ACTR3C: variants seen among roughly 807,000 people sequenced by gnomAD.
The protein encoded by ACTR3C is actin related protein 3C.
Under a neutral mutation model 26.3 loss-of-function variants are expected in ACTR3C, and 18 were observed. The observed-to-expected ratio is 0.68, with a 90% CI of 0.47 to 1.01. ACTR3C has a LOEUF of 1.01. Among genes scored for constraint, ACTR3C ranks in the 50% least tolerant of loss-of-function variants. ACTR3C has a pLI of 0.00. For missense variants in ACTR3C, 184 were observed against 250.7 expected (o/e 0.73, Z 1.80); for synonymous variants, 55 against 94.5 (o/e 0.58, Z 2.42).
the ACTR3C span, among the ~76,000 whole-genome samples, chr7:149,958,917 T>C: frequency 6.6e-6 from 1 of 152,186 alleles, no homozygotes; most frequent in East Asian, 1.9e-4. Flanking sequence ...CCCCAGGAAT[T>C]GTGTCAGCTA....
chr7:149,923,768 C>T, the ACTR3C span, among the ~76,000 whole-genome samples: 4 of 151,754 alleles, frequency 2.6e-5, no homozygotes, highest in Non-Finnish European at 5.9e-5. Context: ...GAGGCAGGGG[C>T]GGGTGGATCA....
At chr7:149,926,579 T>C in the ACTR3C span, among the ~76,000 whole-genome samples, 2 of 152,172 alleles carry the variant, frequency 1.3e-5, no homozygotes, top group Non-Finnish European at 2.9e-5. Context: ...TGCACACATG[T>C]TGTCACAGCC....
chr7:150,006,339 G>A, the ACTR3C span, among the ~76,000 whole-genome samples: 1 of 151,396 alleles, frequency 6.6e-6, no homozygotes, highest in Non-Finnish European at 1.5e-5. Flanking sequence ...TGGGACTACA[G>A]GCACCCGCCA....
chr7:150,014,230 C>T, the ACTR3C span, among the ~76,000 whole-genome samples: 5,546 of 152,064 alleles, frequency 0.036, 273 homozygotes, highest in East Asian at 0.23. Flanking sequence ...TCGAGGTGGG[C>T]GGATCACGAG....
chr7:150,253,036 C>T (rs1341144154), intron 6 of ACTR3C, among the ~76,000 whole-genome samples: 2 of 151,918 alleles, frequency 1.3e-5, no homozygotes, highest in South Asian at 4.1e-4. Flanking sequence ...CATGGCTGGG[C>T]TGTTTTTACG....
the ACTR3C span, among the ~76,000 whole-genome samples, chr7:150,093,061 C>A: frequency 6.6e-6 from 1 of 151,384 alleles, no homozygotes; most frequent in African/African-American, 2.5e-5. Flanking sequence ...AATTATGTGA[C>A]CTCAAACAAA....
At chr7:150,158,792 ACACACACACACG>A in the ACTR3C span, among the ~76,000 whole-genome samples, 2 of 151,392 alleles carry the variant, frequency 1.3e-5, no homozygotes, top group Admixed American at 6.6e-5. Context: ...CATCACACAT[ACACACACACACG>A]CACACACACA....
At chr7:150,294,307 G>T (rs6968954) in intron 2 of ACTR3C, among the ~76,000 whole-genome samples, 18,116 of 152,174 alleles carry the variant, frequency 0.12, 1,591 homozygotes, top group African/African-American at 0.24. Flanking sequence ...TGCACACGGC[G>T]GCGCCCACAA....
the ACTR3C span, among the ~76,000 whole-genome samples, chr7:149,978,835 A>G: frequency 2.6e-5 from 4 of 152,012 alleles, no homozygotes; most frequent in African/African-American, 7.3e-5. Flanking sequence ...GGCAAGTTCA[A>G]TCTCAACCAG....
chr7:149,985,214 A>ACACACG, the ACTR3C span, among the ~76,000 whole-genome samples: 1 of 127,428 alleles, frequency 7.8e-6, no homozygotes, highest in Non-Finnish European at 1.7e-5. Flanking sequence ...AGCAACACAC[A>ACACACG]CACACACACA....
chr7:149,961,817 A>G, the ACTR3C span, among the ~76,000 whole-genome samples: 1 of 151,916 alleles, frequency 6.6e-6, no homozygotes, highest in Non-Finnish European at 1.5e-5. Flanking sequence ...CATAGGAAAT[A>G]TGGGCTCATA....
chr7:150,081,855 G>T, the ACTR3C span, among the ~76,000 whole-genome samples: 1 of 151,610 alleles, frequency 6.6e-6, no homozygotes, highest in East Asian at 1.9e-4. Context: ...AGGCTCAGGA[G>T]GCCCTGGGTC....
At chr7:150,034,940 G>A in the ACTR3C span, among the ~76,000 whole-genome samples, 6 of 147,840 alleles carry the variant, frequency 4.1e-5, no homozygotes, top group African/African-American at 9.9e-5. Flanking sequence ...ACAGCCAGGG[G>A]CGGAAGAGGG....
At chr7:150,030,722 G>T in the ACTR3C span, among the ~76,000 whole-genome samples, 4 of 152,054 alleles carry the variant, frequency 2.6e-5, no homozygotes, top group Non-Finnish European at 5.9e-5. Flanking sequence ...ACCCTTGAAG[G>T]TCCTGCTCAG....
the ACTR3C span, among the ~76,000 whole-genome samples, chr7:150,112,631 C>T: frequency 3.3e-5 from 5 of 152,284 alleles, no homozygotes; most frequent in Admixed American, 6.5e-5. Flanking sequence ...TCACCCTTGA[C>T]GCCCTCCCTC....
the ACTR3C span, among the ~76,000 whole-genome samples, chr7:149,958,886 G>A: frequency 1.1e-4 from 16 of 152,162 alleles, no homozygotes; most frequent in Non-Finnish European, 1.8e-4. Flanking sequence ...ACACCCTAGG[G>A]TTGGATAGAC....
the ACTR3C span, among the ~76,000 whole-genome samples, chr7:150,214,203 A>T: frequency 6.6e-6 from 1 of 152,242 alleles, no homozygotes; most frequent in Non-Finnish European, 1.5e-5. Flanking sequence ...GGACATTTTA[A>T]ACTGTGGTCC....
the ACTR3C span, among the ~76,000 whole-genome samples, chr7:150,035,711 A>G: frequency 7.2e-4 from 98 of 135,508 alleles, 10 homozygotes; most frequent in East Asian, 8.4e-3. Context: ...GTCCTAAGCC[A>G]GGGGGTGAAG....
At chr7:149,955,019 A>G in the ACTR3C span, among the ~76,000 whole-genome samples, 3 of 152,218 alleles carry the variant, frequency 2.0e-5, no homozygotes, top group Non-Finnish European at 1.5e-5. Flanking sequence ...GGTATACACT[A>G]ATTTCTCTGG....
Sources: gnomAD v4.1 joint callset for allele counts (sites outside exome capture counted in the v4.1 genomes callset) on GRCh38, gnomAD v4.1.1 for gene constraint, MANE v1.5 for transcripts, NCBI Gene and HGNC (gene_info 2026-07-23, HGNC 2026-07-21) for gene names.